Variants in CTDP1 observed in about 807,000 individuals in gnomAD.
The protein encoded by CTDP1 is RNA polymerase II subunit A C-terminal domain phosphatase.
In CTDP1, 47 loss-of-function variants were observed where a neutral mutation model predicts 91.8. The observed-to-expected ratio is 0.51, with a 90% CI of 0.41 to 0.65. The LOEUF (loss-of-function observed/expected upper bound fraction) is 0.65, where lower values mean the gene tolerates loss of function less well. Among genes scored for constraint, CTDP1 ranks in the 30% least tolerant of loss-of-function variants. CTDP1 has a pLI of 0.00. For synonymous variants in CTDP1, 656 were observed against 598.5 expected, an observed-to-expected ratio of 1.10 and a Z score of -1.40; for missense variants, 1,272 against 1,373.7, an observed-to-expected ratio of 0.93 and a Z score of 1.17.
At position 79,736,482 on chromosome 18, in the gene CTDP1, C is replaced by T. The variant is rs565342434; in HGVS notation, c.2708C>T (p.Ala903Val). The T allele has an allele frequency of 2.3e-5, 35 of 1,548,292 alleles. No homozygotes were observed. Among genetic ancestry groups the T allele is most frequent in the Middle Eastern group, 2.3e-4 (1 of 4,366 alleles). The change falls in exon 12 of 13, where the codon GCG (alanine) becomes GTG (valine). Residue 903 changes from alanine (A) to valine (V), a missense_variant. Coordinates refer to ENST00000613122, the MANE Select transcript of CTDP1 (RefSeq NM_004715.5). Reference protein sequence around the residue: ...TRRERTLGAPASSERSAAGGR... With the variant: ...TRRERTLGAPVSSERSAAGGR... Reference sequence around the variant, plus strand: ...AGGGAGCGGACGCTCGGGGCACCTGCGTCCAGCGAGAGGAGCGCGGCAGGG... The same window carrying T: ...AGGGAGCGGACGCTCGGGGCACCTGTGTCCAGCGAGAGGAGCGCGGCAGGG...
Position 79,717,515 on chromosome 18 carries a change from C to A in CTDP1, c.2069-20C>A. ...TCCAGTGCTGGCCGGAACAGCCTGACGCAGCCGGGTCTCCTGCAGGCACAG... is the reference window on the plus strand; with the variant it reads ...TCCAGTGCTGGCCGGAACAGCCTGAAGCAGCCGGGTCTCCTGCAGGCACAG... On this transcript the variant is annotated intron_variant, in intron 8 of 12. Coordinates refer to ENST00000613122, the MANE Select transcript of CTDP1 (RefSeq NM_004715.5). The A allele has an allele frequency of 6.2e-7, 1 of 1,611,392 alleles. No individual in the cohort carries two copies. Among genetic ancestry groups the A allele is most frequent in the Non-Finnish European group, 8.5e-7 (1 of 1,179,674 alleles).
At chr18:79,718,870 A>G (rs2086274141) in intron 10 of CTDP1, among the ~76,000 whole-genome samples, 1 of 152,114 alleles carries the variant, frequency 6.6e-6, no homozygotes, top group Non-Finnish European at 1.5e-5. Flanking sequence ...TGTGACGGGT[A>G]CAGAATGCAG....
intron 1 of CTDP1, among the ~76,000 whole-genome samples, chr18:79,693,982 C>T (rs2085680938): frequency 6.6e-6 from 1 of 152,244 alleles, no homozygotes; most frequent in African/African-American, 2.4e-5. Context: ...GGATGTGGCT[C>T]CGCCTTGTTT....
intron 11 of CTDP1, among the ~76,000 whole-genome samples, chr18:79,731,070 C>A (rs34583578): frequency 8.6e-5 from 13 of 152,028 alleles, no homozygotes; most frequent in African/African-American, 1.4e-4. Context: ...CCTGCACCCC[C>A]CCGTGGGCCT....
chr18:79,696,886 T>C (rs1157247614), intron 3 of CTDP1, among the ~76,000 whole-genome samples: 2 of 152,188 alleles, frequency 1.3e-5, no homozygotes, highest in Admixed American at 6.5e-5. Context: ...CTCTGGGAGC[T>C]GAGAAAAACT....
chr18:79,745,342 T>TCCCC, intron 12 of CTDP1, among the ~76,000 whole-genome samples: 1 of 90,806 alleles, frequency 1.1e-5, no homozygotes, highest in Non-Finnish European at 2.1e-5. Flanking sequence ...GCGCGTTCTG[T>TCCCC]GCCCGCGTCC....
chr18:79,706,380 C>G (rs1279269591), intron 5 of CTDP1, among the ~76,000 whole-genome samples: 1 of 152,182 alleles, frequency 6.6e-6, no homozygotes, highest in Non-Finnish European at 1.5e-5. Flanking sequence ...CAGCCAGTGC[C>G]AGGCACCTCC....
In CTDP1 at chr18:79,736,509, G is replaced by A; in HGVS notation, c.2735G>A (p.Gly912Asp). The A allele has an allele frequency of 1.3e-6, 2 of 1,544,914 alleles. No individual in the cohort carries two copies. The highest frequency in any genetic ancestry group is 8.7e-7 in the Non-Finnish European group (1 of 1,144,424). The change falls in exon 12 of 13, where the codon GGC becomes GAC. Residue 912 changes from glycine to aspartate, a missense_variant. By Grantham distance (94) the Gly-to-Asp change is moderately conservative (BLOSUM62 -1). Transcript: ENST00000613122. The stretch of plus-strand genomic sequence containing the variant: ...TCCAGCGAGAGGAGCGCGGCAGGGG[G>A]CCGGGGGCCCAGGTGAGTGCGGGGT... ...PASSERSAAGGRGPRGHKRKL... is the reference protein window; with the variant it reads ...PASSERSAAGDRGPRGHKRKL...
chr18:79,700,756 G>A (rs539860317), intron 4 of CTDP1, among the ~76,000 whole-genome samples: 1 of 152,218 alleles, frequency 6.6e-6, no homozygotes, highest in African/African-American at 2.4e-5. Flanking sequence ...CCTTCTGTTG[G>A]AAGAAGATGC....
intron 11 of CTDP1, among the ~76,000 whole-genome samples, chr18:79,733,649 C>T (rs901811756): frequency 1.1e-4 from 16 of 152,180 alleles, no homozygotes; most frequent in South Asian, 2.1e-4. Context: ...TCTCCAGCTG[C>T]GTTACCTCGT....
intron 12 of CTDP1, chr18:79,749,687 C>T (rs1019502422): frequency 2.0e-5 from 3 of 152,276 alleles, no homozygotes; most frequent in Admixed American, 1.3e-4. Context: ...CTGTCCCGTC[C>T]ACCTGCCAGT....
chr18:79,704,890 A>T lies in CTDP1; in HGVS notation c.745A>T (p.Ser249Cys). The T allele has an allele frequency of 6.2e-7, 1 of 1,613,576 alleles. No individual in the cohort carries two copies. The highest frequency in any genetic ancestry group is 8.5e-7 in the Non-Finnish European group (1 of 1,180,046). The change falls in exon 5 of 13, where the codon AGC becomes TGC. Residue 249 changes from serine (S) to cysteine (C), a missense_variant. Ser to Cys is a moderately radical substitution (Grantham distance 112). Around this residue, in one of 3 missense-constraint regions of CTDP1, gnomAD observed 177 missense variants for 283.0 expected, o/e 0.63. Transcript: ENST00000613122. ...CGAGCTGCACGTCTTCACCTTCGGC[A>T]GCCGGCTGTACGCACACACCATCGC... Reference protein sequence around the residue: ...LYELHVFTFGSRLYAHTIAGF... With the variant: ...LYELHVFTFGCRLYAHTIAGF...
chr18:79,704,134 A>G lies in CTDP1; in HGVS notation c.622-633A>G, dbSNP rs549060579. Among the ~76,000 whole-genome samples, 5 of 152,322 alleles carry G rather than the reference A, an allele frequency of 3.3e-5. No individual in the cohort carries two copies. The South Asian group carries it at 1.0e-3, about 32-fold the overall frequency. On this transcript the variant is annotated intron_variant, in intron 4 of 12. Transcript: ENST00000613122. ...CACTCACTGAGGGCATTCCCGCAGCAGAGAAGGCCGCACTCACTCACTCGT... is the reference window on the plus strand; with the variant it reads ...CACTCACTGAGGGCATTCCCGCAGCGGAGAAGGCCGCACTCACTCACTCGT...
intron 4 of CTDP1, chr18:79,702,720 C>T (rs576963232): frequency 6.6e-6 from 1 of 152,162 alleles, no homozygotes; most frequent in East Asian, 1.9e-4. Flanking sequence ...GTACATTGTT[C>T]TTTTAGATAT....
At chr18:79,691,190 G>T (rs112513885) in intron 1 of CTDP1, among the ~76,000 whole-genome samples, 3,054 of 152,304 alleles carry the variant, frequency 0.02, 38 homozygotes, top group Middle Eastern at 0.051. Context: ...AGTCGCTCTC[G>T]TCTGACTCGT....
intron 4 of CTDP1, among the ~76,000 whole-genome samples, chr18:79,703,351 T>C (rs2085897935): frequency 6.6e-6 from 1 of 152,056 alleles, no homozygotes. Context: ...CCATTAAGAG[T>C]AAATATTTTA....
rs1015032528 is a variant in CTDP1, at chr18:79,679,917, G to T, written c.-31G>T. 2 of 1,379,002 alleles carry T rather than the reference G, an allele frequency of 1.5e-6. No individual in the cohort carries two copies. The highest frequency in any genetic ancestry group is 3.3e-5 in the East Asian group (1 of 30,148). The allele number at this position is 1,379,002 out of a possible 1,614,324, so 85.4% of individuals were successfully genotyped here. A position where few individuals can be genotyped will look rare whatever the true frequency, so the allele number is the denominator to read the frequency against. ...GCGCTCTGAGCGCAGCGCAGGCCCC[G>T]TACCGACCGCCCGCCCGCCCTCTGT... On this transcript the variant is annotated 5_prime_UTR_variant, in exon 1 of 13. Transcript: ENST00000613122.
At chr18:79,710,288 G>T in intron 5 of CTDP1, 58 bp from the exon 6 acceptor site, 2 of 1,321,534 alleles carry the variant, frequency 1.5e-6, no homozygotes. Context: ...TTCACCATGT[G>T]CCGTGTGACC....
At chr18:79,731,772 G>A (rs1357299544) in intron 11 of CTDP1, among the ~76,000 whole-genome samples, 2 of 152,200 alleles carry the variant, frequency 1.3e-5, no homozygotes, top group African/African-American at 4.8e-5. Flanking sequence ...TTTAATATAC[G>A]TGGAAGCCAA....
Sources: gnomAD v4.1 joint callset for allele counts (sites outside exome capture counted in the v4.1 genomes callset) on GRCh38, gnomAD v4.1.1 for gene constraint, gnomAD v4.1.1 regional missense constraint, MANE v1.5 for transcripts, NCBI Gene and HGNC (gene_info 2026-07-23, HGNC 2026-07-21) for gene names.